SLIT3: variants seen among roughly 807,000 people sequenced by gnomAD.
SLIT3 encodes the protein slit homolog 3 protein.
In SLIT3, 68 loss-of-function variants were observed where a neutral mutation model predicts 184.0. The observed-to-expected ratio is 0.37, with a 90% CI of 0.30 to 0.45. The LOEUF (loss-of-function observed/expected upper bound fraction) is 0.45. Among genes scored for constraint, SLIT3 ranks in the 20% least tolerant of loss-of-function variants. SLIT3 has a pLI of 1.00. For synonymous variants in SLIT3, 831 were observed against 828.6 expected, an observed-to-expected ratio of 1.00 and a Z score of -0.05; for missense variants, 1,707 against 2,026.0, an observed-to-expected ratio of 0.84 and a Z score of 3.02.
At chr5:168,854,086 C>T (rs762976148) in intron 5 of SLIT3, among the ~76,000 whole-genome samples, 25 of 152,204 alleles carry the variant, frequency 1.6e-4, no homozygotes, top group African/African-American at 5.8e-4. Context: ...AAAAGGAGCT[C>T]GGCTAGTACA....
chr5:169,232,585 T>C (rs951853282), intron 3 of SLIT3, among the ~76,000 whole-genome samples: 4 of 152,176 alleles, frequency 2.6e-5, no homozygotes, highest in African/African-American at 7.2e-5. Context: ...TGTAATTGAT[T>C]TATGAATGGC....
At chr5:168,969,907 C>T (rs978506833) in intron 4 of SLIT3, among the ~76,000 whole-genome samples, 5 of 152,226 alleles carry the variant, frequency 3.3e-5, no homozygotes, top group Non-Finnish European at 5.9e-5. Flanking sequence ...CAAGGCTGGG[C>T]GCAGTGGCTC....
rs189022093 is a variant in SLIT3, at chr5:168,752,906, G to A, written c.1973+49C>T. 86 of 1,583,308 alleles carry A rather than the reference G, an allele frequency of 5.4e-5. No homozygotes were observed. The East Asian group carries it at 1.8e-3, about 33-fold the overall frequency. On this transcript the variant is annotated intron_variant, in intron 18 of 35. Coordinates refer to ENST00000519560, the MANE Select transcript of SLIT3 (RefSeq NM_003062.4). ...CAGGGAGCTGGGAGGAGAGAGCGCT[G>A]CAGAGTGGGATCCCAGAGTCCGTGG...
Position 168,798,220 on chromosome 5 carries a change from C to CTTTTTTTTTTTTTTTTT in SLIT3, c.936-2643_936-2642insAAAAAAAAAAAAAAAAA, listed in dbSNP as rs575178855. On this transcript the variant is annotated intron_variant, in intron 9 of 35. Coordinates refer to ENST00000519560, the MANE Select transcript of SLIT3 (RefSeq NM_003062.4). ...CTTTTGGTTTTCTTTTCTTCTTCTT[C>CTTTTTTTTTTTTTTTTT]TTCTTTTTTTTTTTTTTTTAAGAGA... 2.0e-3 allele frequency among the ~76,000 whole-genome samples: 221 copies of CTTTTTTTTTTTTTTTTT among 112,208 alleles called. 13 individuals carry two copies. The highest frequency in any genetic ancestry group is 9.8e-3 in the South Asian group (26 of 2,650). 73.6% of individuals were successfully genotyped at this position (112,208 alleles called of 152,430 possible).
chr5:168,729,948 T>C (rs1244750386), intron 20 of SLIT3, among the ~76,000 whole-genome samples: 1 of 151,952 alleles, frequency 6.6e-6, no homozygotes, highest in Admixed American at 6.6e-5. Context: ...TAAAGAAACA[T>C]GATCCAACTA....
Position 168,974,958 on chromosome 5 carries a change from C to T in SLIT3, c.414-91622G>A, listed in dbSNP as rs138795015. On this transcript the variant is annotated intron_variant, in intron 4 of 35. Coordinates refer to ENST00000519560, the MANE Select transcript of SLIT3 (RefSeq NM_003062.4). ...ACCCTGTTCATTTGCTGGACTTCCT[C>T]CCTAAGCTCAGGGGCTGGTCTATCA... 1.9e-3 allele frequency among the ~76,000 whole-genome samples: 288 copies of T among 152,308 alleles called. 1 individual carries two copies. Among genetic ancestry groups the T allele is most frequent in the African/African-American group, 6.6e-3 (273 of 41,564 alleles).
chr5:168,875,527 G>A (rs1026425477), intron 5 of SLIT3, among the ~76,000 whole-genome samples: 16 of 151,982 alleles, frequency 1.1e-4, no homozygotes, highest in African/African-American at 3.1e-4. Flanking sequence ...CCAGTTACTT[G>A]GGAGGCTGAA....
chr5:168,886,462 T>C (rs1194580772), intron 4 of SLIT3, among the ~76,000 whole-genome samples: 5 of 152,144 alleles, frequency 3.3e-5, no homozygotes, highest in African/African-American at 4.8e-5. Flanking sequence ...AGAGCCACCA[T>C]TTTCCACTGA....
At chr5:169,055,532 G>A (rs1757965762) in intron 4 of SLIT3, among the ~76,000 whole-genome samples, 1 of 152,144 alleles carries the variant, frequency 6.6e-6, no homozygotes, top group African/African-American at 2.4e-5. Context: ...GGAGAGAGTT[G>A]GGCAAAGGTA....
At chr5:168,706,321 T>C (rs567638583) in intron 26 of SLIT3, among the ~76,000 whole-genome samples, 2 of 152,206 alleles carry the variant, frequency 1.3e-5, no homozygotes, top group Non-Finnish European at 2.9e-5. Context: ...GGAAGACAGA[T>C]GAAATTACTA....
intron 5 of SLIT3, among the ~76,000 whole-genome samples, chr5:168,855,861 A>AT (rs1758845311): frequency 6.6e-6 from 1 of 151,990 alleles, no homozygotes; most frequent in South Asian, 2.1e-4. Context: ...GTCTTGAGTG[A>AT]TTTTTGGGAG....
intron 8 of SLIT3, among the ~76,000 whole-genome samples, chr5:168,816,182 T>C (rs999618432): frequency 2.0e-5 from 3 of 152,104 alleles, no homozygotes; most frequent in Non-Finnish European, 4.4e-5. Flanking sequence ...GGACCCTGGT[T>C]CTTTTATTTA....
At chr5:168,952,228 C>T (rs946002067) in intron 4 of SLIT3, among the ~76,000 whole-genome samples, 1 of 152,194 alleles carries the variant, frequency 6.6e-6, no homozygotes, top group African/African-American at 2.4e-5. Context: ...GATCACCTTT[C>T]TGAAAACGCA....
At chr5:168,854,700 A>G (rs1287898835) in intron 5 of SLIT3, among the ~76,000 whole-genome samples, 2 of 152,240 alleles carry the variant, frequency 1.3e-5, no homozygotes, top group Non-Finnish European at 2.9e-5. Context: ...GGCCTTCCCC[A>G]GAGGTGACAA....
At chr5:168,766,573 A>C (rs945892359) in intron 14 of SLIT3, among the ~76,000 whole-genome samples, 1 of 152,224 alleles carries the variant, frequency 6.6e-6, no homozygotes, top group African/African-American at 2.4e-5. Context: ...CATCTGCCTG[A>C]AAACAGAGGG....
At chr5:168,739,788 A>G (rs976164527) in intron 20 of SLIT3, among the ~76,000 whole-genome samples, 2 of 152,150 alleles carry the variant, frequency 1.3e-5, no homozygotes, top group East Asian at 1.9e-4. Context: ...CAAATTTCTT[A>G]TCCTTCATCC....
chr5:169,146,050 CA>C (rs1162673452), intron 4 of SLIT3, among the ~76,000 whole-genome samples: 1 of 151,878 alleles, frequency 6.6e-6, no homozygotes, highest in Non-Finnish European at 1.5e-5. Context: ...TACTCTGTCT[CA>C]AAAAAAATAA....
In SLIT3 at chr5:168,818,544, C is replaced by A. The variant is rs10475893; in HGVS notation, c.630-1081G>T. On this transcript the variant is annotated intron_variant, in intron 7 of 35. Coordinates refer to ENST00000519560, the MANE Select transcript of SLIT3 (RefSeq NM_003062.4). ...GTTGGTAGTGGGTAAGTTTTCATCA[C>A]GTCAGCTTGTCATGTACTTGCATTT... Among the ~76,000 whole-genome samples, 307 of 152,352 alleles carry A rather than the reference C, an allele frequency of 2.0e-3. 4 individuals carry two copies. Among genetic ancestry groups the A allele is most frequent in the African/African-American group, 7.2e-3 (301 of 41,570 alleles).
chr5:168,775,538 A>G (rs928241899), intron 12 of SLIT3, among the ~76,000 whole-genome samples: 4 of 151,450 alleles, frequency 2.6e-5, no homozygotes, highest in Admixed American at 2.6e-4. Flanking sequence ...ACCCCCGTTT[A>G]TTTCCCTCCT....
Sources: allele counts gnomAD v4.1 joint callset (sites outside exome capture counted in the v4.1 genomes callset), GRCh38; gene constraint gnomAD v4.1.1; transcripts MANE v1.5; gene names NCBI Gene and HGNC (gene_info 2026-07-23, HGNC 2026-07-21).